The following ATG5 variants were observed in gnomAD, a reference collection of about 807,000 sequenced individuals.
The protein encoded by ATG5 is autophagy related 5.
Under a neutral mutation model 36.5 loss-of-function variants are expected in ATG5, and 14 were observed. The observed-to-expected ratio is 0.38, with a 90% CI of 0.25 to 0.60. The LOEUF is 0.60. Among genes scored for constraint, ATG5 ranks in the 20% least tolerant of loss-of-function variants. The pLI is 0.60. For missense variants in ATG5, 195 were observed against 326.7 expected (o/e 0.60, Z 3.11); for synonymous variants, 95 against 101.5 (o/e 0.94, Z 0.38).
At chr6:106,203,738 G>A (rs1328897612) in intron 6 of ATG5, among the ~76,000 whole-genome samples, 3 of 152,148 alleles carry the variant, frequency 2.0e-5, no homozygotes, top group Admixed American at 1.3e-4. Context: ...GAGCCACCAT[G>A]CTCAGCTAAT....
chr6:106,200,051 C>G (rs1271741864), intron 7 of ATG5, among the ~76,000 whole-genome samples: 1 of 152,092 alleles, frequency 6.6e-6, no homozygotes, highest in East Asian at 1.9e-4. Context: ...TTGTAGGTGC[C>G]CTTCCCCTTC....
chr6:106,230,978 C>G (rs537310761), intron 6 of ATG5, among the ~76,000 whole-genome samples: 1 of 152,252 alleles, frequency 6.6e-6, no homozygotes, highest in African/African-American at 2.4e-5. Flanking sequence ...CCCTCAGAGT[C>G]TACCTCCCTA....
chr6:106,267,478 C>T (rs1040241562), intron 5 of ATG5, among the ~76,000 whole-genome samples: 3 of 151,936 alleles, frequency 2.0e-5, no homozygotes, highest in African/African-American at 7.3e-5. Context: ...TGCAGAATTA[C>T]AAAAAAACTA....
chr6:106,219,196 C>T (rs1334151491), intron 6 of ATG5, among the ~76,000 whole-genome samples: 2 of 152,118 alleles, frequency 1.3e-5, no homozygotes, highest in African/African-American at 2.4e-5. Flanking sequence ...GTAAGTACTA[C>T]ATTGGATTTC....
chr6:106,298,565 AT>A (rs1770074165), intron 3 of ATG5, among the ~76,000 whole-genome samples: 3 of 152,110 alleles, frequency 2.0e-5, no homozygotes, highest in Admixed American at 2.0e-4. Flanking sequence ...AAAAAAATAA[AT>A]AAAGTATTAA....
At chr6:106,263,878 GA>G (rs201259155) in intron 5 of ATG5, among the ~76,000 whole-genome samples, 1,545 of 128,660 alleles carry the variant, frequency 0.012, 21 homozygotes, top group African/African-American at 0.035. Context: ...CACAAAGATG[GA>G]AAAAAAAAAA....
chr6:106,248,507 C>CGACT (rs1244807599), intron 5 of ATG5, among the ~76,000 whole-genome samples: 6 of 152,080 alleles, frequency 3.9e-5, no homozygotes, highest in Non-Finnish European at 5.9e-5. Flanking sequence ...TATAAACATA[C>CGACT]GACTACTTGT....
At chr6:106,308,529 G>C in intron 2 of ATG5, 38 bp from the exon 3 acceptor site, 1 of 1,417,404 alleles carries the variant, frequency 7.1e-7, no homozygotes, top group Non-Finnish European at 9.4e-7. Context: ...TTATTTACTA[G>C]TTATTATTTT....
chr6:106,201,937 T>C lies in ATG5; in HGVS notation c.691+35A>G, dbSNP rs968989191. On this transcript the variant is annotated intron_variant, in intron 7 of 7. Coordinates refer to ENST00000369076, the MANE Select transcript of ATG5 (RefSeq NM_004849.4). ...CTTATTTTACTTCAGTAACAGAAAATGAAAGAAATGTTTTAATGTTGCTGA... is the reference window on the plus strand; with the variant it reads ...CTTATTTTACTTCAGTAACAGAAAACGAAAGAAATGTTTTAATGTTGCTGA... The C allele has an allele frequency of 1.3e-5, 19 of 1,469,222 alleles. No homozygotes were observed. In the African/African-American group the frequency reaches 2.2e-4, roughly 17 times the overall value. The allele number at this position is 1,469,222 out of a possible 1,614,324, so 91.0% of individuals were successfully genotyped here.
intron 5 of ATG5, among the ~76,000 whole-genome samples, chr6:106,270,369 CCACA>C (rs1229172789): frequency 6.6e-6 from 1 of 152,160 alleles, no homozygotes; most frequent in South Asian, 2.1e-4. Context: ...TTCTTAAATG[CCACA>C]CACAGAGTTT....
At chr6:106,228,590 C>T (rs1399904822) in intron 6 of ATG5, among the ~76,000 whole-genome samples, 1 of 152,102 alleles carries the variant, frequency 6.6e-6, no homozygotes, top group Non-Finnish European at 1.5e-5. Flanking sequence ...ATCTTAGAAG[C>T]AGCCCGCCAC....
At chr6:106,229,760 T>C (rs1021972309) in intron 6 of ATG5, among the ~76,000 whole-genome samples, 1 of 152,222 alleles carries the variant, frequency 6.6e-6, no homozygotes, top group Non-Finnish European at 1.5e-5. Flanking sequence ...TCCAGTGACC[T>C]GCGGATGGCC....
chr6:106,237,099 T>C (rs1436176235), intron 6 of ATG5, among the ~76,000 whole-genome samples: 1 of 152,232 alleles, frequency 6.6e-6, no homozygotes, highest in Non-Finnish European at 1.5e-5. Context: ...AGCCCTACTG[T>C]TCTACTTTGG....
At chr6:106,316,671 A>T (rs986490002) in intron 1 of ATG5, among the ~76,000 whole-genome samples, 2 of 152,138 alleles carry the variant, frequency 1.3e-5, no homozygotes, top group Admixed American at 6.5e-5. Context: ...GCCCCGTCCA[A>T]TATATTCACC....
At chr6:106,309,714 T>C (rs1053847788) in intron 2 of ATG5, among the ~76,000 whole-genome samples, 11 of 152,166 alleles carry the variant, frequency 7.2e-5, no homozygotes, top group African/African-American at 2.7e-4. Flanking sequence ...CAGTGTAGTC[T>C]TTCAGAAATG....
At position 106,295,215 on chromosome 6, in the gene ATG5, T is replaced by C. The variant is rs372083870; in HGVS notation, c.237-2109A>G. On this transcript the variant is annotated intron_variant, in intron 3 of 7. Coordinates refer to ENST00000369076, the MANE Select transcript of ATG5 (RefSeq NM_004849.4). ...AAAACAGACCTTTTAACGTCTTCAA[T>C]TTATTTTTTAGAATATCTCTCTTAG... 1.9e-4 allele frequency among the ~76,000 whole-genome samples: 29 copies of C among 152,322 alleles called. No individual in the cohort carries two copies. The East Asian group carries it at 5.4e-3, about 28-fold the overall frequency.
At chr6:106,209,243 C>T (rs959446979) in intron 6 of ATG5, among the ~76,000 whole-genome samples, 2 of 152,096 alleles carry the variant, frequency 1.3e-5, no homozygotes, top group African/African-American at 4.8e-5. Context: ...CTGTTTTATT[C>T]GTGAGAGTCA....
chr6:106,246,382 TCTCTCTCTCTCACACA>T (rs1471512975), intron 6 of ATG5, among the ~76,000 whole-genome samples: 1 of 95,154 alleles, frequency 1.1e-5, no homozygotes, highest in Non-Finnish European at 2.0e-5. Context: ...TCTCTCTCTC[TCTCTCTCTCTCACACA>T]CACACACACA....
chr6:106,231,293 T>TA (rs1777679796), intron 6 of ATG5, among the ~76,000 whole-genome samples: 1 of 152,232 alleles, frequency 6.6e-6, no homozygotes, highest in South Asian at 2.1e-4. Context: ...ATGTTACTGC[T>TA]AAATCAGACA....
Sources: allele counts gnomAD v4.1 joint callset (sites outside exome capture counted in the v4.1 genomes callset), GRCh38; gene constraint gnomAD v4.1.1; transcripts MANE v1.5; gene names NCBI Gene and HGNC (gene_info 2026-07-23, HGNC 2026-07-21).